Variants in PTPRG observed in about 807,000 individuals in gnomAD.
PTPRG encodes receptor-type tyrosine-protein phosphatase gamma.
A neutral mutation model predicts 165.3 loss-of-function variants in PTPRG; 102 were observed. That is an observed-to-expected ratio of 0.62 (90% CI 0.53 to 0.73). The LOEUF (loss-of-function observed/expected upper bound fraction) is 0.73, where lower values mean the gene tolerates loss of function less well. PTPRG is among the 30% of genes least tolerant of loss of function. PTPRG has a pLI of 0.00. For missense variants in PTPRG, 1,866 were observed against 1,861.4 expected, an observed-to-expected ratio of 1.00 and a Z score of -0.05; for synonymous variants, 675 against 669.5, an observed-to-expected ratio of 1.01 and a Z score of -0.13.
At chr3:62,205,492 C>T (rs1336888230) in intron 12 of PTPRG, among the ~76,000 whole-genome samples, 2 of 152,102 alleles carry the variant, frequency 1.3e-5, no homozygotes, top group Non-Finnish European at 1.5e-5. Flanking sequence ...CAAATACATA[C>T]CCTTAAGTAG....
At chr3:61,822,094 G>A (rs1035660195) in intron 2 of PTPRG, among the ~76,000 whole-genome samples, 1 of 152,242 alleles carries the variant, frequency 6.6e-6, no homozygotes, top group Admixed American at 6.5e-5. Context: ...GCCAAGTGGA[G>A]AATCTCTCTT....
intron 1 of PTPRG, among the ~76,000 whole-genome samples, chr3:61,731,463 C>T (rs1327013743): frequency 6.6e-6 from 1 of 151,680 alleles, no homozygotes; most frequent in African/African-American, 2.4e-5. Flanking sequence ...ATTCCCCTGC[C>T]TCAGCCTCCC....
chr3:61,708,118 C>T (rs2031354890), intron 1 of PTPRG, among the ~76,000 whole-genome samples: 1 of 151,628 alleles, frequency 6.6e-6, no homozygotes, highest in Non-Finnish European at 1.5e-5. Flanking sequence ...GGGATATTTG[C>T]CTCCCCGGAA....
intron 2 of PTPRG, among the ~76,000 whole-genome samples, chr3:61,803,240 TA>T: frequency 6.6e-6 from 1 of 152,308 alleles, no homozygotes; most frequent in Non-Finnish European, 1.5e-5. Flanking sequence ...AAGGTGAAAT[TA>T]AATTACATTT....
chr3:61,831,277 A>G (rs989396629), intron 2 of PTPRG, among the ~76,000 whole-genome samples: 4 of 152,226 alleles, frequency 2.6e-5, no homozygotes, highest in African/African-American at 7.2e-5. Context: ...CTGTCTCACA[A>G]CTTTTGTGAA....
intron 4 of PTPRG, among the ~76,000 whole-genome samples, chr3:62,004,574 G>A (rs145453457): frequency 4.6e-4 from 70 of 152,314 alleles, no homozygotes; most frequent in Admixed American, 7.8e-4. Flanking sequence ...CAGTCGGGGA[G>A]CTGGATTTGA....
chr3:61,701,734 T>TA (rs1451406067), intron 1 of PTPRG, among the ~76,000 whole-genome samples: 3 of 151,882 alleles, frequency 2.0e-5, no homozygotes, highest in Non-Finnish European at 4.4e-5. Context: ...TCACCTCTAC[T>TA]AAAAATAAAA....
intron 2 of PTPRG, among the ~76,000 whole-genome samples, chr3:61,760,345 T>C (rs1252947677): frequency 1.3e-5 from 2 of 152,220 alleles, no homozygotes; most frequent in Non-Finnish European, 2.9e-5. Context: ...AAATAAATAC[T>C]TGGCCCAATC....
At chr3:62,078,331 G>T in intron 5 of PTPRG, 73 bp downstream of exon 5, 1 of 1,032,936 alleles carries the variant, frequency 9.7e-7, no homozygotes, top group Non-Finnish European at 1.4e-6. Flanking sequence ...ATTGTTCCAT[G>T]TTTAATGAAT....
At chr3:62,247,156 T>G (rs1345790882) in intron 15 of PTPRG, among the ~76,000 whole-genome samples, 1 of 152,148 alleles carries the variant, frequency 6.6e-6, no homozygotes, top group Non-Finnish European at 1.5e-5. Flanking sequence ...TAGAGACAGG[T>G]ACAGTTGACA....
At chr3:61,699,117 A>C (rs557994516) in intron 1 of PTPRG, among the ~76,000 whole-genome samples, 2 of 152,168 alleles carry the variant, frequency 1.3e-5, no homozygotes, top group Non-Finnish European at 2.9e-5. Flanking sequence ...ACATGTATAC[A>C]TATGTAACAA....
chr3:62,040,213 C>G (rs1209818343), intron 4 of PTPRG, among the ~76,000 whole-genome samples: 1 of 152,178 alleles, frequency 6.6e-6, no homozygotes, highest in Non-Finnish European at 1.5e-5. Flanking sequence ...ATTTCACATA[C>G]CAAAGTACAT....
At chr3:61,609,571 A>G (rs1444613769) in intron 1 of PTPRG, among the ~76,000 whole-genome samples, 1 of 152,234 alleles carries the variant, frequency 6.6e-6, no homozygotes, top group Non-Finnish European at 1.5e-5. Context: ...AAAATAAGAA[A>G]TAAGACTGGG....
chr3:61,613,170 A>G lies in PTPRG; in HGVS notation c.85+50798A>G, dbSNP rs571015848. On this transcript the variant is annotated intron_variant, in intron 1 of 29. Transcript: ENST00000474889. ...ATCCTAGCAAATGCATTTGCTGGCA[A>G]TAGAAAGCAAAGGGCTTTTTCTATT... Among the ~76,000 whole-genome samples the G allele has an allele frequency of 1.9e-3, 289 of 152,338 alleles. 1 individual carries two copies. Among genetic ancestry groups the G allele is most frequent in the Admixed American group, 4.1e-3 (62 of 15,300 alleles).
intron 1 of PTPRG, among the ~76,000 whole-genome samples, chr3:61,663,200 G>C (rs913494555): frequency 2.0e-5 from 3 of 151,716 alleles, no homozygotes; most frequent in Non-Finnish European, 4.4e-5. Flanking sequence ...GAGCAATGTC[G>C]TTGGCATCCC....
In PTPRG at chr3:61,656,163, T is replaced by C. The variant is rs147522957; in HGVS notation, c.86-92715T>C. 5.9e-3 allele frequency among the ~76,000 whole-genome samples: 901 copies of C among 152,138 alleles called. 3 individuals are homozygous for C. The highest frequency in any genetic ancestry group is 0.02 in the Middle Eastern group (6 of 294). On this transcript the variant is annotated intron_variant, in intron 1 of 29. Coordinates refer to ENST00000474889, the MANE Select transcript of PTPRG (RefSeq NM_002841.4). ...GGGAGGATCAGTTGAACCCAGGAGT[T>C]TGAAGCTGCAGTTAGCTATGATTGT...
intron 1 of PTPRG, among the ~76,000 whole-genome samples, chr3:61,582,629 C>G (rs1340461154): frequency 6.6e-6 from 1 of 152,172 alleles, no homozygotes; most frequent in Non-Finnish European, 1.5e-5. Context: ...GAAGGATGAC[C>G]AGGCTCACTC....
intron 8 of PTPRG, among the ~76,000 whole-genome samples, chr3:62,185,348 T>C (rs1489806326): frequency 6.6e-6 from 1 of 152,226 alleles, no homozygotes; most frequent in Non-Finnish European, 1.5e-5. Flanking sequence ...GTTAAAAGGC[T>C]TCAATTTTGT....
chr3:62,029,409 G>A (rs1291151071), intron 4 of PTPRG, among the ~76,000 whole-genome samples: 1 of 152,166 alleles, frequency 6.6e-6, no homozygotes, highest in African/African-American at 2.4e-5. Context: ...TTATCAAAAG[G>A]TGACCAGAGG....
Sources: gnomAD v4.1 joint callset for allele counts (sites outside exome capture counted in the v4.1 genomes callset) on GRCh38, gnomAD v4.1.1 for gene constraint, MANE v1.5 for transcripts, NCBI Gene and HGNC (gene_info 2026-07-23, HGNC 2026-07-21) for gene names.